The following CREM variants were observed in gnomAD, a reference collection of about 807,000 sequenced individuals.
CREM encodes the protein cAMP responsive element modulator.
Under a neutral mutation model 37.3 loss-of-function variants are expected in CREM, and 13 were observed. That is an observed-to-expected ratio of 0.35 (90% CI 0.23 to 0.55). CREM has a LOEUF of 0.55. Among genes scored for constraint, CREM ranks in the 20% least tolerant of loss-of-function variants. The probability of loss-of-function intolerance (pLI) is 0.88; values close to 1 mark genes in which losing one functional copy is unlikely to be tolerated. For missense variants in CREM, 296 were observed against 362.3 expected (o/e 0.82, Z 1.49); for synonymous variants, 124 against 120.2 (o/e 1.03, Z -0.21).
chr10:35,133,283 A>G (rs1277565743), intron 1 of CREM, among the ~76,000 whole-genome samples: 3 of 151,682 alleles, frequency 2.0e-5, no homozygotes, highest in African/African-American at 7.3e-5. Context: ...GTTATCTCCA[A>G]TTGTAATATC....
intron 3 of CREM, among the ~76,000 whole-genome samples, chr10:35,165,056 C>CAAAAAAAAAA (rs60898349): frequency 5.0e-4 from 37 of 74,686 alleles, no homozygotes; most frequent in East Asian, 1.8e-3. Context: ...GGCTCCATCT[C>CAAAAAAAAAA]AAAAAAAAAA....
intron 7 of CREM, 41 bp downstream of exon 7, chr10:35,207,092 T>C (rs938740328): frequency 2.7e-5 from 42 of 1,584,472 alleles, no homozygotes; most frequent in Non-Finnish European, 3.6e-5. Flanking sequence ...CTAGGACACT[T>C]TTTAAAAATT....
intron 7 of CREM, among the ~76,000 whole-genome samples, chr10:35,208,850 C>T (rs761251518): frequency 7.9e-5 from 12 of 152,202 alleles, no homozygotes; most frequent in Non-Finnish European, 1.3e-4. Flanking sequence ...TTTTCGCTTT[C>T]TAAATCTCAG....
At chr10:35,151,979 A>AT (rs1487696020) in intron 3 of CREM, among the ~76,000 whole-genome samples, 1 of 152,242 alleles carries the variant, frequency 6.6e-6, no homozygotes, top group Non-Finnish European at 1.5e-5. Context: ...GCTGAACTCT[A>AT]TTAACCCTAT....
At chr10:35,140,315 ACAT>A (rs1470091315) in intron 2 of CREM, among the ~76,000 whole-genome samples, 5 of 152,196 alleles carry the variant, frequency 3.3e-5, no homozygotes, top group Admixed American at 2.6e-4. Flanking sequence ...ACTCCAAAAC[ACAT>A]CATCATCGTA....
At chr10:35,190,879 G>A (rs1266019702) in intron 6 of CREM, among the ~76,000 whole-genome samples, 1 of 151,926 alleles carries the variant, frequency 6.6e-6, no homozygotes, top group Non-Finnish European at 1.5e-5. Flanking sequence ...CGCCAGGATG[G>A]TCTCGATCTC....
chr10:35,182,442 T>G (rs2094392180), intron 5 of CREM, among the ~76,000 whole-genome samples: 1 of 152,128 alleles, frequency 6.6e-6, no homozygotes, highest in African/African-American at 2.4e-5. Flanking sequence ...GTTTAATTGT[T>G]CAGCTTTTAT....
chr10:35,209,239 A>G, intron 7 of CREM: 4 of 857,900 alleles, frequency 4.7e-6, no homozygotes, highest in Non-Finnish European at 5.6e-6. Context: ...TTATTCTTTG[A>G]TTGGCATCTA....
At chr10:35,131,258 G>A (rs1205183840) in intron 1 of CREM, among the ~76,000 whole-genome samples, 1 of 152,160 alleles carries the variant, frequency 6.6e-6, no homozygotes, top group East Asian at 1.9e-4. Flanking sequence ...TAAGAGTGGA[G>A]CTAATGTGAT....
chr10:35,140,323 A>G (rs2091247772), intron 2 of CREM, among the ~76,000 whole-genome samples: 1 of 152,160 alleles, frequency 6.6e-6, no homozygotes, highest in East Asian at 1.9e-4. Context: ...ACACATCATC[A>G]TCGTAAAATG....
rs542237942 is a variant in CREM at position 35,207,927 on chromosome 10, A to G, written c.755+876A>G. Among the ~76,000 whole-genome samples the G allele has an allele frequency of 2.6e-5, 4 of 152,282 alleles. No homozygotes were observed. The East Asian group carries it at 7.7e-4, about 29-fold the overall frequency. ...TTTCATCAGCAGGAGTTACATCCCTATGTTGTAAGGGTGATGTCCAAAAGA... is the reference window on the plus strand; with the variant it reads ...TTTCATCAGCAGGAGTTACATCCCTGTGTTGTAAGGGTGATGTCCAAAAGA... On this transcript the variant is annotated intron_variant, in intron 7 of 7. Coordinates refer to ENST00000685392, the MANE Select transcript of CREM (RefSeq NM_183011.2).
intron 3 of CREM, among the ~76,000 whole-genome samples, chr10:35,157,292 G>C (rs1424631168): frequency 6.6e-6 from 1 of 151,662 alleles, no homozygotes; most frequent in Non-Finnish European, 1.5e-5. Flanking sequence ...ACATCATGCT[G>C]AATGGGGAAA....
chr10:35,173,425 T>C (rs1003915567), intron 3 of CREM, among the ~76,000 whole-genome samples: 7 of 152,230 alleles, frequency 4.6e-5, no homozygotes, highest in Non-Finnish European at 8.8e-5. Context: ...AGAATCTGGC[T>C]ATCTTCAGTT....
At chr10:35,141,380 C>T (rs2091405703) in intron 2 of CREM, among the ~76,000 whole-genome samples, 1 of 152,096 alleles carries the variant, frequency 6.6e-6, no homozygotes, top group African/African-American at 2.4e-5. Flanking sequence ...TGGATTGGAG[C>T]CAGGAGTTAG....
At chr10:35,132,450 T>G (rs1295572917) in intron 1 of CREM, among the ~76,000 whole-genome samples, 3 of 152,160 alleles carry the variant, frequency 2.0e-5, no homozygotes, top group Non-Finnish European at 4.4e-5. Context: ...AGAGTTAAGA[T>G]TACTTAAATA....
chr10:35,177,881 T>C (rs902340487), intron 3 of CREM, among the ~76,000 whole-genome samples: 103 of 152,304 alleles, frequency 6.8e-4, no homozygotes, highest in Non-Finnish European at 9.8e-4. Context: ...GGTGGTGATA[T>C]ATGATTATCT....
chr10:35,179,036 G>A, intron 4 of CREM, 50 bp downstream of exon 4: 1 of 1,550,792 alleles, frequency 6.4e-7, no homozygotes, highest in Non-Finnish European at 8.8e-7. Context: ...CAAAATGGTA[G>A]AATAATTATA....
intron 3 of CREM, among the ~76,000 whole-genome samples, chr10:35,161,368 G>A (rs150472798): frequency 3.9e-5 from 6 of 152,028 alleles, no homozygotes; most frequent in East Asian, 3.9e-4. Flanking sequence ...GGTGGCAGGC[G>A]CCTGTAATCG....
At chr10:35,158,098 A>C (rs2093029045) in intron 3 of CREM, among the ~76,000 whole-genome samples, 1 of 152,222 alleles carries the variant, frequency 6.6e-6, no homozygotes, top group South Asian at 2.1e-4. Context: ...GACACAAGTA[A>C]ATGTTCATGG....
Sources: allele counts gnomAD v4.1 joint callset (sites outside exome capture counted in the v4.1 genomes callset), GRCh38; gene constraint gnomAD v4.1.1; transcripts MANE v1.5; gene names NCBI Gene and HGNC (gene_info 2026-07-23, HGNC 2026-07-21).